Variants in ADAMTSL1 observed in about 807,000 individuals in gnomAD.
ADAMTSL1 encodes ADAMTS like 1.
A neutral mutation model predicts 201.8 loss-of-function variants in ADAMTSL1; 126 were observed. That is an observed-to-expected ratio of 0.62 (90% CI 0.54 to 0.72). The LOEUF is 0.72. Ranked by LOEUF, ADAMTSL1 falls within the 30% of genes least tolerant of loss-of-function variation. ADAMTSL1 has a pLI of 0.00. For missense variants in ADAMTSL1, 2,679 were observed against 2,277.8 expected (o/e 1.18, Z -3.59); for synonymous variants, 1,121 against 903.4 (o/e 1.24, Z -4.32).
intron 16 of ADAMTSL1, among the ~76,000 whole-genome samples, chr9:18,766,004 C>T (rs371711647): frequency 2.6e-5 from 4 of 151,750 alleles, no homozygotes; most frequent in South Asian, 4.2e-4. Context: ...ACAGCAAATG[C>T]GAAGGCCCTG....
chr9:18,899,263 G>T (rs1320012890), intron 26 of ADAMTSL1, among the ~76,000 whole-genome samples: 1 of 152,088 alleles, frequency 6.6e-6, no homozygotes, highest in African/African-American at 2.4e-5. Flanking sequence ...CCTCTTCAAG[G>T]AGATCTACAA....
intron 4 of ADAMTSL1, among the ~76,000 whole-genome samples, chr9:18,610,164 A>T (rs2132599232): frequency 6.6e-6 from 1 of 152,322 alleles, no homozygotes; most frequent in East Asian, 1.9e-4. Flanking sequence ...AGGGGTAAAT[A>T]TACCTTTAGC....
intron 1 of ADAMTSL1, among the ~76,000 whole-genome samples, chr9:17,995,805 G>A (rs1467593611): frequency 6.6e-6 from 1 of 151,278 alleles, no homozygotes; most frequent in African/African-American, 2.4e-5. Context: ...ATGGCATACT[G>A]GATAAAAATG....
chr9:17,945,532 C>T, intron 1 of ADAMTSL1, among the ~76,000 whole-genome samples: 1 of 151,914 alleles, frequency 6.6e-6, no homozygotes, highest in African/African-American at 2.4e-5. Flanking sequence ...TTTATTGCGG[C>T]ATTATTCACA....
chr9:18,259,888 T>C (rs1053462173), intron 2 of ADAMTSL1, among the ~76,000 whole-genome samples: 1 of 152,232 alleles, frequency 6.6e-6, no homozygotes, highest in African/African-American at 2.4e-5. Context: ...TTCACAATTA[T>C]GGTTGTTTCC....
intron 2 of ADAMTSL1, among the ~76,000 whole-genome samples, chr9:18,380,265 A>C (rs565116167): frequency 1.6e-4 from 24 of 152,334 alleles, no homozygotes; most frequent in African/African-American, 5.5e-4. Flanking sequence ...AAGATTAAAA[A>C]ATTAGAAGAA....
At chr9:18,601,783 C>T (rs1262302516) in intron 4 of ADAMTSL1, among the ~76,000 whole-genome samples, 3 of 151,068 alleles carry the variant, frequency 2.0e-5, no homozygotes, top group East Asian at 3.9e-4. Context: ...TTATAATATA[C>T]ATTATATATA....
chr9:18,610,306 C>T lies in ADAMTSL1; in HGVS notation c.475-11937C>T, dbSNP rs114821127. On this transcript the variant is annotated intron_variant, in intron 4 of 28. Transcript: ENST00000380548. ...AAATATTTTGTGCTATGGCTTTTTC[C>T]GCTGGGAAAGAATCTTACATTAACA... is the stretch of plus-strand genomic sequence containing the variant. Among the ~76,000 whole-genome samples the T allele has an allele frequency of 9.6e-3, 1,465 of 152,144 alleles. 16 individuals carry two copies. Among genetic ancestry groups the T allele is most frequent in the African/African-American group, 0.033 (1,353 of 41,524 alleles).
intron 1 of ADAMTSL1, among the ~76,000 whole-genome samples, chr9:18,153,855 T>C (rs1319425246): frequency 6.6e-6 from 1 of 151,992 alleles, no homozygotes; most frequent in African/African-American, 2.4e-5. Flanking sequence ...TAGGCACTTA[T>C]ATTGAGGAAG....
At chr9:18,550,572 A>C (rs1440939081) in intron 3 of ADAMTSL1, among the ~76,000 whole-genome samples, 2 of 151,862 alleles carry the variant, frequency 1.3e-5, no homozygotes, top group African/African-American at 4.8e-5. Context: ...TTAGCCAACA[A>C]CCTCAATGCA....
At position 18,162,380 on chromosome 9, in the gene ADAMTSL1, C is replaced by A. The variant is rs1313354321; in HGVS notation, c.88-1482C>A. 3.9e-5 allele frequency among the ~76,000 whole-genome samples: 6 copies of A among 152,106 alleles called. No homozygotes were observed. In the South Asian group the frequency reaches 8.3e-4, roughly 21 times the overall value. On this transcript the variant is annotated intron_variant, in intron 1 of 29. Coordinates refer to the ADAMTSL1 transcript ENST00000680146. ...TACCTGGATAATCCAGGTTACTAAC[C>A]CTAATTAGTAGTCTTAATTACATCT... is the stretch of plus-strand genomic sequence containing the variant.
intron 2 of ADAMTSL1, among the ~76,000 whole-genome samples, chr9:18,270,881 C>T (rs1331302622): frequency 6.6e-6 from 1 of 152,088 alleles, no homozygotes; most frequent in African/African-American, 2.4e-5. Flanking sequence ...GAGAGAGATA[C>T]ATCTTTTGCA....
intron 1 of ADAMTSL1, among the ~76,000 whole-genome samples, chr9:18,157,453 T>C (rs568879939): frequency 1.3e-5 from 2 of 152,010 alleles, no homozygotes; most frequent in Non-Finnish European, 2.9e-5. Context: ...GGAGTTTCTT[T>C]TCATTGACAT....
intron 17 of ADAMTSL1, among the ~76,000 whole-genome samples, chr9:18,772,407 T>C (rs771103750): frequency 2.0e-5 from 3 of 152,144 alleles, no homozygotes; most frequent in Non-Finnish European, 4.4e-5. Flanking sequence ...GGGGGACCTT[T>C]GAGATTTTGG....
At chr9:18,318,695 C>T (rs1457506432) in intron 2 of ADAMTSL1, among the ~76,000 whole-genome samples, 1 of 151,978 alleles carries the variant, frequency 6.6e-6, no homozygotes, top group Non-Finnish European at 1.5e-5. Flanking sequence ...CTGATGTCTC[C>T]TCTAGAGGCC....
intron 2 of ADAMTSL1, among the ~76,000 whole-genome samples, chr9:18,456,024 G>A (rs555070712): frequency 1.7e-4 from 26 of 152,226 alleles, no homozygotes; most frequent in African/African-American, 5.5e-4. Context: ...AGAACAGTTA[G>A]TCACCGTTAC....
chr9:18,327,815 G>C (rs990269940), intron 2 of ADAMTSL1, among the ~76,000 whole-genome samples: 4 of 152,212 alleles, frequency 2.6e-5, no homozygotes, highest in African/African-American at 9.7e-5. Context: ...GAAAAGAAAT[G>C]TTAGGCAGAA....
rs1487238668 is a variant in ADAMTSL1, at chr9:18,188,324, T to A, written c.207+24343T>A. On this transcript the variant is annotated intron_variant, in intron 2 of 29. Transcript: ENST00000680146. ...GGAATTAGTTGGCACTGGCATTCAG[T>A]CAGTAGTAGAATTGAGAAGTTCCTG... Among the ~76,000 whole-genome samples the A allele has an allele frequency of 2.0e-5, 3 of 152,164 alleles. No individual in the cohort carries two copies. In the East Asian group the frequency reaches 5.8e-4, roughly 29 times the overall value.
intron 2 of ADAMTSL1, among the ~76,000 whole-genome samples, chr9:18,186,886 C>T (rs1828760906): frequency 6.6e-6 from 1 of 151,472 alleles, no homozygotes; most frequent in Non-Finnish European, 1.5e-5. Flanking sequence ...CAAACGTGAA[C>T]ATATATATTA....
Sources: allele counts gnomAD v4.1 joint callset (sites outside exome capture counted in the v4.1 genomes callset), GRCh38; gene constraint gnomAD v4.1.1; transcripts MANE v1.5; gene names NCBI Gene and HGNC (gene_info 2026-07-23, HGNC 2026-07-21).